Variants in PDZRN3 observed in about 807,000 individuals in gnomAD.
PDZRN3 encodes PDZ domain containing ring finger 3, also known as E3 ubiquitin-protein ligase PDZRN3.
In PDZRN3, 38 loss-of-function variants were observed where a neutral mutation model predicts 85.7. The observed-to-expected ratio is 0.44, with a 90% CI of 0.34 to 0.58. The LOEUF is 0.58. Ranked by LOEUF, PDZRN3 falls within the 20% of genes least tolerant of loss-of-function variation. PDZRN3 has a pLI of 0.01. For missense variants in PDZRN3, 1,629 were observed against 1,506.4 expected (o/e 1.08, Z -1.35); for synonymous variants, 759 against 638.0 (o/e 1.19, Z -2.86).
chr3:73,451,075 A>G (rs1378154210), intron 3 of PDZRN3, among the ~76,000 whole-genome samples: 1 of 152,174 alleles, frequency 6.6e-6, no homozygotes, highest in Non-Finnish European at 1.5e-5. Flanking sequence ...TGGCAGAAAC[A>G]GTCTTGACAT....
chr3:73,416,876 GTTTTTT>G lies in PDZRN3; in HGVS notation c.919-12487_919-12482del, dbSNP rs146381615. The stretch of plus-strand genomic sequence containing the variant: ...TTTTTTTTTTGTTTGTTTTTTTTTG[GTTTTTT>G]TTTTTTTTTTTTTTTTTTTTTTTTT... On this transcript the variant is annotated intron_variant, in intron 3 of 9. Coordinates refer to ENST00000263666, the MANE Select transcript of PDZRN3 (RefSeq NM_015009.3). Among the ~76,000 whole-genome samples, 237 of 110,394 alleles carry G rather than the reference GTTTTTT, an allele frequency of 2.1e-3. 1 individual carries two copies. Among genetic ancestry groups the G allele is most frequent in the African/African-American group, 7.9e-3 (226 of 28,574 alleles). The allele number at this position is 110,394 out of a possible 152,430, so 72.4% of individuals were successfully genotyped here. A position where few individuals can be genotyped will look rare whatever the true frequency, so the allele number is the denominator to read the frequency against.
At chr3:73,433,359 G>A (rs925570517) in intron 3 of PDZRN3, among the ~76,000 whole-genome samples, 3 of 152,216 alleles carry the variant, frequency 2.0e-5, no homozygotes, top group African/African-American at 7.2e-5. Context: ...CTGGAGAGAG[G>A]TCAGTTGTGA....
intron 4 of PDZRN3, among the ~76,000 whole-genome samples, chr3:73,403,210 T>A (rs1701789372): frequency 6.6e-6 from 1 of 152,182 alleles, no homozygotes; most frequent in African/African-American, 2.4e-5. Context: ...CCTCCCGAAG[T>A]GCTGGGATTA....
In PDZRN3 at chr3:73,534,734, T is replaced by C. The variant is rs554074612; in HGVS notation, c.918+67620A>G. Among the ~76,000 whole-genome samples the C allele has an allele frequency of 1.6e-4, 24 of 152,352 alleles. 1 individual carries two copies. The South Asian group carries it at 3.7e-3, about 24-fold the overall frequency. On this transcript the variant is annotated intron_variant, in intron 3 of 9. Coordinates refer to ENST00000263666, the MANE Select transcript of PDZRN3 (RefSeq NM_015009.3). ...GATTTCCTATTCTTCTCTTCATATC[T>C]TGTAGATAATATCTTTTGACACTGA...
chr3:73,541,148 T>C (rs1024064091), intron 3 of PDZRN3, among the ~76,000 whole-genome samples: 2 of 152,190 alleles, frequency 1.3e-5, no homozygotes, highest in African/African-American at 2.4e-5. Context: ...TAAAATATGC[T>C]CAAATTGACT....
At chr3:73,423,468 T>C (rs1702242007) in intron 3 of PDZRN3, among the ~76,000 whole-genome samples, 1 of 152,252 alleles carries the variant, frequency 6.6e-6, no homozygotes, top group Non-Finnish European at 1.5e-5. Context: ...GTGCTGTGAA[T>C]AGTAAGCATT....
intron 3 of PDZRN3, among the ~76,000 whole-genome samples, chr3:73,495,155 T>C (rs1376114126): frequency 6.6e-6 from 1 of 152,206 alleles, no homozygotes; most frequent in Non-Finnish European, 1.5e-5. Flanking sequence ...TTACAAAATG[T>C]AACAATCACT....
chr3:73,544,896 T>C (rs945159539), intron 3 of PDZRN3, among the ~76,000 whole-genome samples: 1 of 152,144 alleles, frequency 6.6e-6, no homozygotes, highest in Non-Finnish European at 1.5e-5. Flanking sequence ...AGATTTGATA[T>C]GAAAACTAAA....
intron 3 of PDZRN3, among the ~76,000 whole-genome samples, chr3:73,422,899 G>C (rs1702232648): frequency 1.3e-5 from 2 of 152,296 alleles, no homozygotes; most frequent in South Asian, 2.1e-4. Flanking sequence ...AAAGTCGCCA[G>C]AGAGAGAAAT....
At chr3:73,606,697 A>G (rs1163270765) in intron 2 of PDZRN3, among the ~76,000 whole-genome samples, 2 of 152,204 alleles carry the variant, frequency 1.3e-5, no homozygotes, top group East Asian at 1.9e-4. Context: ...CATATTTACA[A>G]TTTAGTCTCA....
At chr3:73,402,826 T>C (rs186083171) in intron 4 of PDZRN3, among the ~76,000 whole-genome samples, 16 of 152,204 alleles carry the variant, frequency 1.1e-4, no homozygotes, top group Non-Finnish European at 2.1e-4. Context: ...TTTGAAATAA[T>C]GTATCAAGTC....
At chr3:73,496,277 T>A (rs1229622996) in intron 3 of PDZRN3, among the ~76,000 whole-genome samples, 5 of 152,218 alleles carry the variant, frequency 3.3e-5, no homozygotes, top group Non-Finnish European at 7.3e-5. Flanking sequence ...ATTACCTCAT[T>A]CTTTTTCTTC....
chr3:73,449,685 T>C (rs1028281214), intron 3 of PDZRN3, among the ~76,000 whole-genome samples: 7 of 152,316 alleles, frequency 4.6e-5, no homozygotes, highest in Non-Finnish European at 8.8e-5. Context: ...ACAAAAATAA[T>C]TGAATATGTA....
At chr3:73,521,785 C>A (rs948470845) in intron 3 of PDZRN3, among the ~76,000 whole-genome samples, 9 of 152,176 alleles carry the variant, frequency 5.9e-5, no homozygotes, top group African/African-American at 2.2e-4. Flanking sequence ...ATCTTTCCTG[C>A]CCAAATTGGG....
At chr3:73,546,855 G>A (rs189034106) in intron 3 of PDZRN3, among the ~76,000 whole-genome samples, 190 of 152,260 alleles carry the variant, frequency 1.2e-3, no homozygotes, top group Non-Finnish European at 2.2e-3. Context: ...GTAAGTGAGC[G>A]GATGATTTTT....
In PDZRN3 at chr3:73,425,016, T is replaced by C. The variant is rs577150896; in HGVS notation, c.919-20621A>G. Among the ~76,000 whole-genome samples the C allele has an allele frequency of 3.2e-3, 396 of 121,884 alleles. 1 individual carries two copies. Among genetic ancestry groups the C allele is most frequent in the African/African-American group, 0.01 (367 of 36,532 alleles). The allele number at this position is 121,884 out of a possible 152,430, so 80.0% of individuals were successfully genotyped here. On this transcript the variant is annotated intron_variant, in intron 3 of 9. Transcript: ENST00000263666. Reference sequence around the variant, plus strand: ...TTTCACTCATCCACTCATCCATCAGTATTTTTTTTTTTTTTTGAGACGGAG... The same window carrying C: ...TTTCACTCATCCACTCATCCATCAGCATTTTTTTTTTTTTTTGAGACGGAG...
At chr3:73,390,388 A>G (rs1347630328) in intron 6 of PDZRN3, among the ~76,000 whole-genome samples, 1 of 152,214 alleles carries the variant, frequency 6.6e-6, no homozygotes, top group Non-Finnish European at 1.5e-5. Flanking sequence ...ACATACAACC[A>G]AAGAGATAAT....
intron 3 of PDZRN3, among the ~76,000 whole-genome samples, chr3:73,457,808 G>A (rs1703018260): frequency 6.6e-6 from 1 of 152,180 alleles, no homozygotes; most frequent in African/African-American, 2.4e-5. Context: ...CCCACCATGT[G>A]AGGATGCAGC....
At chr3:73,387,099 A>G (rs1701411296) in intron 8 of PDZRN3, among the ~76,000 whole-genome samples, 1 of 152,204 alleles carries the variant, frequency 6.6e-6, no homozygotes, top group South Asian at 2.1e-4. Flanking sequence ...CCCTGCTGCC[A>G]CGTAAGACGT....
Sources: allele counts gnomAD v4.1 joint callset (sites outside exome capture counted in the v4.1 genomes callset), GRCh38; gene constraint gnomAD v4.1.1; transcripts MANE v1.5; gene names NCBI Gene and HGNC (gene_info 2026-07-23, HGNC 2026-07-21).